The following DOCK2 variants were observed in gnomAD, a reference collection of about 807,000 sequenced individuals.
DOCK2 encodes the protein dedicator of cytokinesis protein 2.
DOCK2 carries 87 observed loss-of-function variants against 248.9 expected under a neutral mutation model. The ratio of observed to expected loss-of-function variants is 0.35; its 90% CI spans 0.29 to 0.42. The LOEUF (loss-of-function observed/expected upper bound fraction) is 0.42, where lower values mean the gene tolerates loss of function less well. DOCK2 is among the 10% of genes least tolerant of loss of function. DOCK2 has a pLI of 1.00. For missense variants in DOCK2, 1,747 were observed against 2,300.2 expected, an observed-to-expected ratio of 0.76 and a Z score of 4.92; for synonymous variants, 805 against 821.6, an observed-to-expected ratio of 0.98 and a Z score of 0.35.
intron 32 of DOCK2, among the ~76,000 whole-genome samples, chr5:170,014,662 G>C (rs946613505): frequency 1.7e-5 from 2 of 118,296 alleles, no homozygotes; most frequent in Admixed American, 1.0e-4. Flanking sequence ...ATGGAGGGGG[G>C]GTCCAGGAGA....
chr5:169,699,878 CTGGG>C, intron 12 of DOCK2, 132 bp from the exon 13 acceptor site: 1 of 1,279,298 alleles, frequency 7.8e-7, no homozygotes, highest in Non-Finnish European at 1.1e-6. Flanking sequence ...GCCCTGTGGG[CTGGG>C]TGGCTGCATC....
intron 10 of DOCK2, among the ~76,000 whole-genome samples, chr5:169,697,910 G>A (rs933424322): frequency 6.6e-6 from 1 of 152,110 alleles, no homozygotes; most frequent in African/African-American, 2.4e-5. Context: ...CAGGATTTGA[G>A]GATTCTTCAG....
intron 12 of DOCK2, 22 bp downstream of exon 12, chr5:169,699,480 G>A (rs1457611007): frequency 2.3e-5 from 37 of 1,601,750 alleles, no homozygotes; most frequent in Non-Finnish European, 3.2e-5. Context: ...ATATGCCAGT[G>A]GGCTGAGCCT....
At chr5:170,051,645 C>T (rs111655021) in intron 41 of DOCK2, among the ~76,000 whole-genome samples, 47 of 152,278 alleles carry the variant, frequency 3.1e-4, no homozygotes, top group African/African-American at 1.1e-3. Flanking sequence ...GCTTTTTAAA[C>T]GTGCATGGAG....
intron 40 of DOCK2, 95 bp from the exon 41 acceptor site, chr5:170,050,161 T>G: frequency 6.6e-7 from 1 of 1,503,850 alleles, no homozygotes; most frequent in East Asian, 2.3e-5. Context: ...GACATCCCCA[T>G]GGACCGTGGT....
chr5:169,641,645 A>G lies in DOCK2; in HGVS notation c.43+4276A>G, dbSNP rs186187477. On this transcript the variant is annotated intron_variant, in intron 1 of 51. Transcript: ENST00000520908. Reference sequence around the variant, plus strand: ...GAGCCAGGCCTCGGAAAGGGCTTGAACTGAGGCAACCCTGGAAACCTCTGC... The same window carrying G: ...GAGCCAGGCCTCGGAAAGGGCTTGAGCTGAGGCAACCCTGGAAACCTCTGC... Among the ~76,000 whole-genome samples the G allele has an allele frequency of 5.3e-5, 8 of 152,298 alleles. No individual in the cohort carries two copies. In the East Asian group the frequency reaches 1.5e-3, roughly 29 times the overall value.
chr5:169,783,919 C>T (rs961102668), intron 25 of DOCK2, among the ~76,000 whole-genome samples: 18 of 152,140 alleles, frequency 1.2e-4, no homozygotes, highest in East Asian at 7.7e-4. Context: ...CCTAGGAAGG[C>T]GGAGATAAAC....
chr5:169,997,724 A>G (rs921284159), intron 30 of DOCK2, among the ~76,000 whole-genome samples: 1 of 151,384 alleles, frequency 6.6e-6, no homozygotes, highest in Non-Finnish European at 1.5e-5. Context: ...AAGGTCACAG[A>G]ATCTCAAGGC....
intron 27 of DOCK2, among the ~76,000 whole-genome samples, chr5:169,936,704 G>A (rs11948932): frequency 0.015 from 2,260 of 151,486 alleles, 54 homozygotes; most frequent in African/African-American, 0.052. Flanking sequence ...CCTGGGGGGC[G>A]CGCTCCAGCC....
chr5:169,734,983 T>G (rs999879881), intron 22 of DOCK2, among the ~76,000 whole-genome samples: 5 of 152,226 alleles, frequency 3.3e-5, no homozygotes, highest in Admixed American at 3.3e-4. Flanking sequence ...GGTGTATTCC[T>G]TACTTTCTTG....
chr5:169,911,480 G>C (rs1288979372), intron 27 of DOCK2, among the ~76,000 whole-genome samples: 1 of 152,166 alleles, frequency 6.6e-6, no homozygotes, highest in Non-Finnish European at 1.5e-5. Context: ...GATGTTTAAT[G>C]TGGCCAGTGA....
At chr5:169,848,439 G>A (rs1051147171) in intron 27 of DOCK2, among the ~76,000 whole-genome samples, 31 of 152,220 alleles carry the variant, frequency 2.0e-4, no homozygotes, top group African/African-American at 7.5e-4. Flanking sequence ...GAGGAAAAAT[G>A]TCCAGGCTTG....
chr5:169,949,959 G>T (rs1370348141), intron 27 of DOCK2, among the ~76,000 whole-genome samples: 2 of 152,060 alleles, frequency 1.3e-5, no homozygotes, highest in African/African-American at 4.8e-5. Flanking sequence ...ATTATCCTCT[G>T]GCAGGATTCA....
rs1320279380 is a variant in DOCK2, at chr5:170,008,741, A to C, written c.3227A>C (p.Lys1076Thr). 1 of 1,614,014 alleles carries C rather than the reference A, an allele frequency of 6.2e-7. No individual in the cohort carries two copies. Among genetic ancestry groups the C allele is most frequent in the South Asian group, 1.1e-5 (1 of 91,082 alleles). The change falls in exon 32 of 52, where the codon AAG becomes ACG. Residue 1076 changes from lysine to threonine, a missense_variant. Lys to Thr is a moderately conservative substitution (Grantham distance 78). Around this residue, in one of 4 missense-constraint regions of DOCK2, gnomAD observed 858 missense variants for 1,183.5 expected, o/e 0.72. Coordinates refer to ENST00000520908, the MANE Select transcript of DOCK2 (RefSeq NM_004946.3). ...IGFSIRDMWY[K>T]LGQNKICFIP... is the part of the protein sequence containing the mutation. ...TTCTCCATCCGTGATATGTGGTACAAGCTTGGTGAGTAGGCACACACATCC... is the reference window on the plus strand; with the variant it reads ...TTCTCCATCCGTGATATGTGGTACACGCTTGGTGAGTAGGCACACACATCC...
intron 34 of DOCK2, among the ~76,000 whole-genome samples, chr5:170,032,278 G>A (rs540544267): frequency 2.6e-5 from 4 of 152,106 alleles, no homozygotes; most frequent in African/African-American, 2.4e-5. Flanking sequence ...TGCCCACCTC[G>A]GCCTCCCAAA....
chr5:169,758,077 G>T (rs565662402), intron 23 of DOCK2, among the ~76,000 whole-genome samples: 1 of 151,852 alleles, frequency 6.6e-6, no homozygotes, highest in Admixed American at 6.6e-5. Flanking sequence ...TTTTTACCAC[G>T]TATTTATAAT....
chr5:169,648,592 C>T lies in DOCK2; in HGVS notation c.44-5811C>T, dbSNP rs372250865. ...GGTGCATGGCTGAGAGAGTGTGCTC[C>T]GGAGCCAGCCTGTCTGGGGTGAAAT... is the stretch of plus-strand genomic sequence containing the variant. On this transcript the variant is annotated intron_variant, in intron 1 of 51. Transcript: ENST00000520908. Among the ~76,000 whole-genome samples the T allele has an allele frequency of 1.5e-4, 23 of 152,264 alleles. No individual in the cohort carries two copies. In the East Asian group the frequency reaches 2.9e-3, roughly 19 times the overall value.
rs141894939 is a variant in DOCK2 at position 169,654,449 on chromosome 5, G to C, written c.90G>C (p.Gln30His). ...QGSGAPQLSL[Q>H]IGDVVRIQET... ...GCGGAGCCCCCCAGCTCTCCCTGCA[G>C]ATCGGCGATGTGGTGCGAATACAGG... Residue 30 changes from glutamine to histidine, a missense_variant, in exon 2 of 52, where the codon CAG (glutamine) becomes CAC (histidine). This residue lies in a region of DOCK2 where 375 missense variants were observed against 510.9 expected (regional missense o/e 0.73). Transcript: ENST00000520908. 1,791 of 1,614,204 alleles carry C rather than the reference G, an allele frequency of 1.1e-3. 5 individuals are homozygous for C. The highest frequency in any genetic ancestry group is 7.8e-3 in the Middle Eastern group (47 of 6,058).
intron 27 of DOCK2, among the ~76,000 whole-genome samples, chr5:169,937,877 G>C (rs1212022823): frequency 1.3e-5 from 2 of 152,168 alleles, no homozygotes; most frequent in African/African-American, 2.4e-5. Flanking sequence ...TGAGTGGTGG[G>C]TCCCTTTCTC....
Sources: allele counts gnomAD v4.1 joint callset (sites outside exome capture counted in the v4.1 genomes callset), GRCh38; gene constraint gnomAD v4.1.1; regional missense constraint gnomAD v4.1.1; transcripts MANE v1.5; gene names NCBI Gene and HGNC (gene_info 2026-07-23, HGNC 2026-07-21).